The following HORMAD1 variants were observed in gnomAD, a reference collection of about 807,000 sequenced individuals.
The protein encoded by HORMAD1 is HORMA domain-containing protein 1.
Under a neutral mutation model 58.2 loss-of-function variants are expected in HORMAD1, and 33 were observed. The observed-to-expected ratio is 0.57, with a 90% CI of 0.43 to 0.76. The LOEUF (loss-of-function observed/expected upper bound fraction) is 0.76. HORMAD1 is among the 30% of genes least tolerant of loss of function. The pLI is 0.00. For synonymous variants in HORMAD1, 137 were observed against 144.6 expected (o/e 0.95, Z 0.38); for missense variants, 363 against 462.0 (o/e 0.79, Z 1.96).
At chr1:150,711,476 A>G in intron 7 of HORMAD1, 69 bp downstream of exon 7, 1 of 1,012,222 alleles carries the variant, frequency 9.9e-7, no homozygotes, top group Non-Finnish European at 1.6e-6. Context: ...AGATATTCTT[A>G]TATTATGTTT....
chr1:150,715,838 T>C (rs1010574255), intron 3 of HORMAD1, among the ~76,000 whole-genome samples: 1 of 152,092 alleles, frequency 6.6e-6, no homozygotes. Context: ...GGTAAAATTA[T>C]ACTTGAGAAA....
intron 14 of HORMAD1, 56 bp downstream of exon 14, chr1:150,700,056 A>G: frequency 1.2e-6 from 1 of 812,720 alleles, no homozygotes; most frequent in South Asian, 1.5e-5. Context: ...AATCTGTAGT[A>G]ATGATATTCT....
intron 10 of HORMAD1, among the ~76,000 whole-genome samples, chr1:150,705,480 G>A (rs1428162932): frequency 1.3e-5 from 2 of 151,560 alleles, no homozygotes; most frequent in Admixed American, 6.6e-5. Flanking sequence ...AGCTGAGATC[G>A]TGCCATTGCA....
At chr1:150,708,802 C>A (rs765587707) in intron 8 of HORMAD1, 92 bp downstream of exon 8, 4 of 688,798 alleles carry the variant, frequency 5.8e-6, no homozygotes, top group Admixed American at 5.2e-5. Context: ...GATGTCCCCG[C>A]AGTTTCAGAA....
intron 8 of HORMAD1, 54 bp from the exon 9 acceptor site, chr1:150,708,461 C>A: frequency 8.9e-7 from 1 of 1,128,836 alleles, no homozygotes; most frequent in South Asian, 1.6e-5. Context: ...CTTCTAATAT[C>A]ATAACTTTAC....
At chr1:150,706,225 G>A in intron 10 of HORMAD1, among the ~76,000 whole-genome samples, 1 of 152,216 alleles carries the variant, frequency 6.6e-6, no homozygotes, top group East Asian at 1.9e-4. Context: ...AGTTAGACTA[G>A]TGCAATGCTT....
At chr1:150,717,675 G>A (rs1174490646) in intron 2 of HORMAD1, among the ~76,000 whole-genome samples, 1 of 152,202 alleles carries the variant, frequency 6.6e-6, no homozygotes, top group Admixed American at 6.5e-5. Context: ...GCTCACGCCT[G>A]TAATCCCAGC....
At chr1:150,720,426 T>C (rs1184498824) in intron 1 of HORMAD1, among the ~76,000 whole-genome samples, 1 of 151,994 alleles carries the variant, frequency 6.6e-6, no homozygotes, top group Admixed American at 6.6e-5. Flanking sequence ...TGGTCTCAAA[T>C]GATCCTCCGG....
Position 150,714,139 on chromosome 1 carries a change from G to C in HORMAD1, c.243-18C>G. On this transcript the variant is annotated intron_variant, in intron 4 of 14. Transcript: ENST00000361824. ...CTAGCATCCTAAAAAAAAAATCAAG[G>C]ATTCATTTTTAGACTGAATGCATTT... is the stretch of plus-strand genomic sequence containing the variant. The C allele has an allele frequency of 1.4e-6, 2 of 1,461,700 alleles. No individual in the cohort carries two copies. Among genetic ancestry groups the C allele is most frequent in the Non-Finnish European group, 1.9e-6 (2 of 1,061,426 alleles). 90.5% of individuals were successfully genotyped at this position (1,461,700 alleles called of 1,614,324 possible).
chr1:150,718,769 C>T (rs1023872394), intron 2 of HORMAD1, among the ~76,000 whole-genome samples: 25 of 152,198 alleles, frequency 1.6e-4, no homozygotes, highest in South Asian at 4.2e-4. Flanking sequence ...AGACTACAGG[C>T]GTGAGCCACC....
At chr1:150,707,471 T>C (rs587604646) in intron 9 of HORMAD1, among the ~76,000 whole-genome samples, 1 of 152,346 alleles carries the variant, frequency 6.6e-6, no homozygotes, top group East Asian at 1.9e-4. Context: ...TTTTAGCCAA[T>C]GCTATAATCA....
chr1:150,709,720 C>A (rs896327832), intron 7 of HORMAD1, among the ~76,000 whole-genome samples: 1 of 151,896 alleles, frequency 6.6e-6, no homozygotes, highest in African/African-American at 2.4e-5. Flanking sequence ...CCTGCCTGCC[C>A]CTGGGAACTG....
chr1:150,718,512 G>C (rs1652157459), intron 2 of HORMAD1, among the ~76,000 whole-genome samples: 1 of 152,038 alleles, frequency 6.6e-6, no homozygotes, highest in South Asian at 2.1e-4. Flanking sequence ...ATAACACATG[G>C]ATAGATTACA....
chr1:150,709,571 T>C (rs990602020), intron 7 of HORMAD1, among the ~76,000 whole-genome samples: 4 of 151,220 alleles, frequency 2.6e-5, no homozygotes, highest in African/African-American at 9.7e-5. Flanking sequence ...TCTCCCCATG[T>C]GATAGTCTGA....
chr1:150,700,288 A>G (rs1175608266), intron 13 of HORMAD1, 105 bp from the exon 14 acceptor site: 6 of 648,160 alleles, frequency 9.3e-6, no homozygotes, highest in Admixed American at 7.3e-5. Context: ...TTATTTATTT[A>G]CTTTTTAGGG....
intron 9 of HORMAD1, among the ~76,000 whole-genome samples, chr1:150,707,939 C>CA (rs1294812916): frequency 6.6e-6 from 1 of 151,300 alleles, no homozygotes; most frequent in Non-Finnish European, 1.5e-5. Context: ...CTGTCTCAAA[C>CA]AAAAAAAAGT....
Position 150,698,644 on chromosome 1 carries a change from A to C in HORMAD1, c.*10T>G. On this transcript the variant is annotated 3_prime_UTR_variant, in exon 15 of 15. Coordinates refer to ENST00000361824, the MANE Select transcript of HORMAD1 (RefSeq NM_032132.5). ...AAGAACTCTGCAAGCCTGCAGAACA[A>C]AAATAATTTTTATATATGTTCCTTT... 6.8e-7 allele frequency: 1 copy of C among 1,469,964 alleles called. No homozygotes were observed. The highest frequency in any genetic ancestry group is 9.5e-7 in the Non-Finnish European group (1 of 1,053,162). 91.1% of individuals were successfully genotyped at this position (1,469,964 alleles called of 1,614,324 possible).
rs188387872 is a variant in HORMAD1, at chr1:150,711,184, G to A, written c.327+361C>T. On this transcript the variant is annotated intron_variant, in intron 7 of 14. Coordinates refer to ENST00000361824, the MANE Select transcript of HORMAD1 (RefSeq NM_032132.5). ...TATGAATGGATTGGGATGAATATTCGAAGTTTAAGGATGACTTTCTTACTT... is the reference window on the plus strand; with the variant it reads ...TATGAATGGATTGGGATGAATATTCAAAGTTTAAGGATGACTTTCTTACTT... 3.9e-5 allele frequency among the ~76,000 whole-genome samples: 6 copies of A among 152,166 alleles called. No homozygotes were observed. The East Asian group carries it at 9.6e-4, about 24-fold the overall frequency.
intron 13 of HORMAD1, chr1:150,701,759 G>T (rs1651544160): frequency 6.6e-6 from 1 of 152,006 alleles, no homozygotes; most frequent in South Asian, 2.1e-4. Flanking sequence ...ATAAAGCAGT[G>T]ATTTTTTTCC....
Sources: allele counts gnomAD v4.1 joint callset (sites outside exome capture counted in the v4.1 genomes callset), GRCh38; gene constraint gnomAD v4.1.1; transcripts MANE v1.5; gene names NCBI Gene and HGNC (gene_info 2026-07-23, HGNC 2026-07-21).